WDR72: variants seen among roughly 807,000 people sequenced by gnomAD.
WDR72 encodes WD repeat domain 72.
Under a neutral mutation model 124.2 loss-of-function variants are expected in WDR72, and 120 were observed. That is an observed-to-expected ratio of 0.97 (90% CI 0.83 to 1.12). The LOEUF (loss-of-function observed/expected upper bound fraction) is 1.12. Among genes scored for constraint, WDR72 ranks in the 50% most tolerant of loss-of-function variants. The probability of loss-of-function intolerance (pLI) is 0.00; values close to 1 mark genes in which losing one functional copy is unlikely to be tolerated. For missense variants in WDR72, 1,387 were observed against 1,278.8 expected (o/e 1.08, Z -1.29); for synonymous variants, 452 against 441.7 (o/e 1.02, Z -0.29).
At chr15:53,545,320 G>C (rs905409963) in intron 18 of WDR72, among the ~76,000 whole-genome samples, 1 of 151,070 alleles carries the variant, frequency 6.6e-6, no homozygotes, top group South Asian at 2.1e-4. Context: ...CAGAGATATA[G>C]ATCAATGGAA....
intron 13 of WDR72, among the ~76,000 whole-genome samples, chr15:53,682,860 T>C (rs2016445599): frequency 6.6e-6 from 1 of 152,172 alleles, no homozygotes; most frequent in South Asian, 2.1e-4. Context: ...CAGTTCTCTG[T>C]ATTAGTCTGT....
At chr15:53,587,766 A>G (rs2012293487) in intron 18 of WDR72, among the ~76,000 whole-genome samples, 1 of 152,030 alleles carries the variant, frequency 6.6e-6, no homozygotes, top group South Asian at 2.1e-4. Flanking sequence ...GTTACCAAAG[A>G]GTGTTTTTAC....
chr15:53,593,075 C>T (rs968984751), intron 18 of WDR72, among the ~76,000 whole-genome samples: 1 of 152,020 alleles, frequency 6.6e-6, no homozygotes, highest in African/African-American at 2.4e-5. Context: ...ATACATTATG[C>T]CTTAACTCTC....
chr15:53,712,946 C>T (rs1270870891), intron 6 of WDR72, 55 bp from the exon 7 acceptor site: 2 of 1,597,196 alleles, frequency 1.3e-6, no homozygotes, highest in South Asian at 1.1e-5. Context: ...CATACACAGC[C>T]ATGAGAAGAC....
At chr15:53,611,157 C>T (rs77338326) in intron 16 of WDR72, among the ~76,000 whole-genome samples, 2,294 of 152,154 alleles carry the variant, frequency 0.015, 70 homozygotes, top group African/African-American at 0.053. Flanking sequence ...AGATGAGCAC[C>T]TCGGAGTATT....
At chr15:53,748,336 C>T (rs62005963) in intron 1 of WDR72, among the ~76,000 whole-genome samples, 48,755 of 151,960 alleles carry the variant, frequency 0.32, 9,557 homozygotes, top group East Asian at 0.46. Context: ...AATTAACTTG[C>T]CTTAAGTATT....
intron 14 of WDR72, among the ~76,000 whole-genome samples, chr15:53,625,965 C>A (rs2014189319): frequency 6.6e-6 from 1 of 152,158 alleles, no homozygotes; most frequent in Non-Finnish European, 1.5e-5. Flanking sequence ...GGTTTTACTC[C>A]TGGCTTTTGA....
chr15:53,618,011 AT>A (rs2013837906), intron 14 of WDR72, among the ~76,000 whole-genome samples: 1 of 151,876 alleles, frequency 6.6e-6, no homozygotes, highest in African/African-American at 2.4e-5. Flanking sequence ...TGAGCTGTAC[AT>A]TTTTGTGCTG....
intron 18 of WDR72, among the ~76,000 whole-genome samples, chr15:53,582,661 T>G (rs2011993401): frequency 6.6e-6 from 1 of 151,974 alleles, no homozygotes; most frequent in Non-Finnish European, 1.5e-5. Flanking sequence ...AAGATACATT[T>G]TAACTGCTAA....
intron 7 of WDR72, among the ~76,000 whole-genome samples, chr15:53,712,367 G>A (rs1335914059): frequency 9.2e-5 from 14 of 152,162 alleles, no homozygotes; most frequent in Non-Finnish European, 1.9e-4. Flanking sequence ...GGAGTCTGAG[G>A]TGGGCAGATC....
intron 18 of WDR72, among the ~76,000 whole-genome samples, chr15:53,546,156 A>C (rs994053861): frequency 6.9e-6 from 1 of 144,658 alleles, no homozygotes. Flanking sequence ...CAGCCATCCC[A>C]TTACTGGGTA....
intron 17 of WDR72, among the ~76,000 whole-genome samples, chr15:53,609,286 A>G (rs535628079): frequency 1.8e-4 from 28 of 152,270 alleles, no homozygotes; most frequent in African/African-American, 6.7e-4. Context: ...ATTACCTGTG[A>G]TAGCAAGAAC....
At chr15:53,625,396 C>T (rs895851017) in intron 14 of WDR72, among the ~76,000 whole-genome samples, 4 of 152,200 alleles carry the variant, frequency 2.6e-5, no homozygotes, top group Admixed American at 2.6e-4. Flanking sequence ...TACTACTACT[C>T]TCTGAAATCC....
At chr15:53,754,925 A>G (rs894213397) in intron 1 of WDR72, among the ~76,000 whole-genome samples, 6 of 152,222 alleles carry the variant, frequency 3.9e-5, no homozygotes, top group Non-Finnish European at 7.3e-5. Flanking sequence ...CAATCAATAA[A>G]GATATGTTTT....
chr15:53,689,408 C>T (rs1172297309), intron 13 of WDR72, among the ~76,000 whole-genome samples: 3 of 149,428 alleles, frequency 2.0e-5, no homozygotes, highest in African/African-American at 7.6e-5. Context: ...GGGCAAAGGA[C>T]ATGAACAGAC....
chr15:53,583,346 G>T (rs1384136774), intron 18 of WDR72, among the ~76,000 whole-genome samples: 1 of 152,032 alleles, frequency 6.6e-6, no homozygotes, highest in Non-Finnish European at 1.5e-5. Flanking sequence ...ATTTGTTTTA[G>T]TATCTAAAAA....
Position 53,613,772 on chromosome 15 carries a change from A to G in WDR72, c.2781-15T>C, listed in dbSNP as rs1307434858. ...TTCTGAAAGAACTGTTAGAAAAAAG[A>G]TTGACAGCATATTACTAAAAAGCAT... is the stretch of plus-strand genomic sequence containing the variant. On this transcript the variant is annotated splice_polypyrimidine_tract_variant and intron_variant, in intron 15 of 19. Transcript: ENST00000360509. 1 of 1,512,514 alleles carries G rather than the reference A, an allele frequency of 6.6e-7. No individual in the cohort carries two copies. 93.7% of individuals were successfully genotyped at this position (1,512,514 alleles called of 1,614,324 possible).
Position 53,715,353 on chromosome 15 carries a change from T to C in WDR72, c.354A>G (p.Ser118=), listed in dbSNP as rs2017673493. Residue 118 remains serine (S), a synonymous_variant, in exon 5 of 20, where the codon TCA becomes TCG. Transcript: ENST00000360509. ...GCCAGCCTTCTCCTGTCATCCGGAATGAGCAGTGGTAATACTACGTACATG... is the reference window on the plus strand; with the variant it reads ...GCCAGCCTTCTCCTGTCATCCGGAACGAGCAGTGGTAATACTACGTACATG... ...RHTAICYYHC[S]FRMTGEGWLL... is the part of the protein sequence containing the mutation. 8 of 1,614,174 alleles carry C rather than the reference T, an allele frequency of 5.0e-6. No homozygotes were observed. Among genetic ancestry groups the C allele is most frequent in the Non-Finnish European group, 6.8e-6 (8 of 1,180,014 alleles).
chr15:53,655,707 G>GT (rs11431452), intron 14 of WDR72, among the ~76,000 whole-genome samples: 35,219 of 148,766 alleles, frequency 0.24, 4,351 homozygotes, highest in East Asian at 0.46. Context: ...CATTTTGTAA[G>GT]TTTTTTTTTT....
Sources: allele counts gnomAD v4.1 joint callset (sites outside exome capture counted in the v4.1 genomes callset), GRCh38; gene constraint gnomAD v4.1.1; transcripts MANE v1.5; gene names NCBI Gene and HGNC (gene_info 2026-07-23, HGNC 2026-07-21).